Variants in DNM1L observed in about 807,000 individuals in gnomAD.
The protein encoded by DNM1L is dynamin 1L, also known as dynamin-1-like protein.
In DNM1L, 33 loss-of-function variants were observed where a neutral mutation model predicts 92.8. The ratio of observed to expected loss-of-function variants is 0.36; its 90% CI spans 0.27 to 0.48. The LOEUF is 0.48. Ranked by LOEUF, DNM1L falls within the 20% of genes least tolerant of loss-of-function variation. The probability of loss-of-function intolerance (pLI) is 0.99; values close to 1 mark genes in which losing one functional copy is unlikely to be tolerated. For synonymous variants in DNM1L, 284 were observed against 305.0 expected (o/e 0.93, Z 0.72); for missense variants, 485 against 888.8 (o/e 0.55, Z 5.78).
intron 9 of DNM1L, among the ~76,000 whole-genome samples, chr12:32,729,696 G>T (rs897721609): frequency 6.6e-6 from 1 of 152,118 alleles, no homozygotes; most frequent in African/African-American, 2.4e-5. Flanking sequence ...CTGACCTCAG[G>T]TGATCTGCCC....
Position 32,737,927 on chromosome 12 carries a change from T to C in DNM1L, c.1659T>C (p.Ala553=), listed in dbSNP as rs751649498. The part of the protein sequence containing the change: ...ASQEPSPAAS[A]EADGKLIQDS... ...AGGAGCCCTCCCCCGCTGCTTCTGC[T>C]GAGGCTGATGGCAAGGTCTGTTCTG... The change falls in exon 15 of 20, where the codon GCT becomes GCC. Residue 553 remains alanine (A), a synonymous_variant. Coordinates refer to ENST00000549701, the MANE Select transcript of DNM1L (RefSeq NM_012062.5). 2 of 1,614,006 alleles carry C rather than the reference T, an allele frequency of 1.2e-6. No homozygotes were observed. The highest frequency in any genetic ancestry group is 1.7e-6 in the Non-Finnish European group (2 of 1,179,990).
chr12:32,680,562 G>T (rs965675451), intron 1 of DNM1L, among the ~76,000 whole-genome samples: 4 of 152,138 alleles, frequency 2.6e-5, no homozygotes, highest in African/African-American at 9.7e-5. Context: ...TGAAGCAATA[G>T]AAATTGTTTT....
chr12:32,735,663 C>T (rs1954821594), intron 13 of DNM1L, among the ~76,000 whole-genome samples: 1 of 152,016 alleles, frequency 6.6e-6, no homozygotes, highest in Non-Finnish European at 1.5e-5. Flanking sequence ...GGCTGATCAC[C>T]TGAGGTCAGG....
At chr12:32,737,513 A>G (rs1441348384) in intron 14 of DNM1L, 2 of 396,326 alleles carry the variant, frequency 5.0e-6, no homozygotes, top group Non-Finnish European at 9.2e-6. Context: ...AACAGTATGC[A>G]CAGAACAGAG....
intron 6 of DNM1L, among the ~76,000 whole-genome samples, chr12:32,715,595 G>A (rs1953326689): frequency 1.3e-5 from 2 of 152,158 alleles, no homozygotes; most frequent in South Asian, 4.1e-4. Flanking sequence ...AGCCAGGCAT[G>A]GTGGTGCATG....
chr12:32,723,788 C>CA (rs1361424848), intron 9 of DNM1L, among the ~76,000 whole-genome samples: 5 of 143,162 alleles, frequency 3.5e-5, no homozygotes, highest in South Asian at 2.2e-4. Flanking sequence ...AACAAAAAAA[C>CA]AGAGTGTCTA....
chr12:32,733,640 T>C (rs958423759), intron 12 of DNM1L, 75 bp from the exon 13 acceptor site: 1 of 1,249,696 alleles, frequency 8.0e-7, no homozygotes, highest in Non-Finnish European at 1.2e-6. Flanking sequence ...GTTTCATAAG[T>C]TTTATATATA....
chr12:32,712,672 A>G (rs866357417), intron 5 of DNM1L, among the ~76,000 whole-genome samples: 48 of 148,250 alleles, frequency 3.2e-4, no homozygotes, highest in Non-Finnish European at 4.4e-4. Context: ...AAAAAAAAAA[A>G]AAAAAAGAAA....
At chr12:32,726,962 G>C in intron 9 of DNM1L, 1 of 730,056 alleles carries the variant, frequency 1.4e-6, no homozygotes. Flanking sequence ...ACTTCACTTT[G>C]GTATCTTTCA....
chr12:32,722,433 G>C lies in DNM1L; in HGVS notation c.879G>C (p.Leu293=), dbSNP rs2137445092. Residue 293 remains leucine (L), a synonymous_variant, in exon 9 of 20, where the codon CTG becomes CTC. Coordinates refer to ENST00000549701, the MANE Select transcript of DNM1L (RefSeq NM_012062.5). The stretch of plus-strand genomic sequence containing the variant: ...CCTTTCTAACCTTTTTTAGGTTACT[G>C]ATGCATCACATCAGAGATTGTTTAC... ...KYLARTLNRL[L]MHHIRDCLPE... 1 of 1,611,918 alleles carries C rather than the reference G, an allele frequency of 6.2e-7. No homozygotes were observed. The highest frequency in any genetic ancestry group is 8.5e-7 in the Non-Finnish European group (1 of 1,179,690).
intron 14 of DNM1L, chr12:32,737,586 C>T (rs1954980080): frequency 2.3e-6 from 1 of 441,262 alleles, no homozygotes; most frequent in African/African-American, 2.0e-5. Context: ...AAATCTTTTA[C>T]CTTGAATTCT....
At position 32,722,408 on chromosome 12, in the gene DNM1L, C is replaced by A; in HGVS notation, c.873-19C>A. 1 of 1,606,528 alleles carries A rather than the reference C, an allele frequency of 6.2e-7. No individual in the cohort carries two copies. On this transcript the variant is annotated intron_variant, in intron 8 of 19. Coordinates refer to ENST00000549701, the MANE Select transcript of DNM1L (RefSeq NM_012062.5). ...TACACAATTTTACTTTTAAATCCTT[C>A]CTTTCTAACCTTTTTTAGGTTACTG...
chr12:32,724,589 A>AT (rs1555123381), intron 9 of DNM1L, among the ~76,000 whole-genome samples: 177 of 80,664 alleles, frequency 2.2e-3, no homozygotes, highest in Middle Eastern at 7.2e-3. Flanking sequence ...AAAAAAAAAA[A>AT]AAAAATATAT....
At chr12:32,687,602 C>T (rs1231737587) in intron 1 of DNM1L, among the ~76,000 whole-genome samples, 7 of 152,046 alleles carry the variant, frequency 4.6e-5, no homozygotes, top group Non-Finnish European at 7.4e-5. Flanking sequence ...GCCATCACGC[C>T]GGGCTATTTT....
chr12:32,702,591 G>T (rs1952759222), intron 2 of DNM1L, among the ~76,000 whole-genome samples: 1 of 152,064 alleles, frequency 6.6e-6, no homozygotes, highest in Admixed American at 6.6e-5. Flanking sequence ...TCTGATTTAA[G>T]ATGGGATGAT....
chr12:32,734,664 C>T lies in DNM1L; in HGVS notation c.1539+857C>T, dbSNP rs552861569. ...TCTACTAAAAATACAAAAAATTAGC[C>T]GGGCTTGGTGGCAGGTGCCTGTAAT... On this transcript the variant is annotated intron_variant, in intron 13 of 19. Coordinates refer to ENST00000549701, the MANE Select transcript of DNM1L (RefSeq NM_012062.5). Among the ~76,000 whole-genome samples the T allele has an allele frequency of 9.2e-5, 14 of 152,160 alleles. No individual in the cohort carries two copies. The South Asian group carries it at 2.1e-3, about 23-fold the overall frequency.
At chr12:32,720,104 A>G (rs1372622140) in intron 7 of DNM1L, among the ~76,000 whole-genome samples, 1 of 152,102 alleles carries the variant, frequency 6.6e-6, no homozygotes, top group African/African-American at 2.4e-5. Context: ...GTCTGCTTCT[A>G]TTTTAATGTC....
chr12:32,727,471 C>A, intron 9 of DNM1L: 1 of 594,636 alleles, frequency 1.7e-6, no homozygotes, highest in Non-Finnish European at 3.1e-6. Context: ...TGGGGAGGAG[C>A]AAGAGGCAGC....
chr12:32,687,608 A>AT (rs1348153125), intron 1 of DNM1L, among the ~76,000 whole-genome samples: 8 of 150,870 alleles, frequency 5.3e-5, no homozygotes, highest in Admixed American at 2.6e-4. Context: ...ACGCCGGGCT[A>AT]TTTTTTTTGG....
Sources: gnomAD v4.1 joint callset for allele counts (sites outside exome capture counted in the v4.1 genomes callset) on GRCh38, gnomAD v4.1.1 for gene constraint, MANE v1.5 for transcripts, NCBI Gene and HGNC (gene_info 2026-07-23, HGNC 2026-07-21) for gene names.